BICC1: variants seen among roughly 807,000 people sequenced by gnomAD.
The protein encoded by BICC1 is protein bicaudal C homolog 1.
In BICC1, 43 loss-of-function variants were observed where a neutral mutation model predicts 111.0. That is an observed-to-expected ratio of 0.39 (90% CI 0.30 to 0.50). BICC1 has a LOEUF of 0.50. Ranked by LOEUF, BICC1 falls within the 20% of genes least tolerant of loss-of-function variation. The pLI is 0.88. For missense variants in BICC1, 1,091 were observed against 1,203.2 expected (o/e 0.91, Z 1.38); for synonymous variants, 467 against 434.4 (o/e 1.07, Z -0.93).
intron 2 of BICC1, among the ~76,000 whole-genome samples, chr10:58,670,692 T>C (rs921807855): frequency 6.6e-6 from 1 of 152,146 alleles, no homozygotes; most frequent in Non-Finnish European, 1.5e-5. Flanking sequence ...TTTTGAACAT[T>C]CTGATTTTTA....
At chr10:58,526,113 T>C (rs1842534255) in intron 1 of BICC1, among the ~76,000 whole-genome samples, 1 of 151,942 alleles carries the variant, frequency 6.6e-6, no homozygotes, top group African/African-American at 2.4e-5. Flanking sequence ...TGGGACATTG[T>C]CTTTGGTGAT....
chr10:58,554,633 G>A (rs1055379826), intron 1 of BICC1, among the ~76,000 whole-genome samples: 2 of 151,956 alleles, frequency 1.3e-5, no homozygotes, highest in Non-Finnish European at 2.9e-5. Context: ...ATGCTTGTGT[G>A]TTTACTAGAA....
At chr10:58,608,211 C>T (rs989977822) in intron 1 of BICC1, among the ~76,000 whole-genome samples, 3 of 152,098 alleles carry the variant, frequency 2.0e-5, no homozygotes, top group South Asian at 2.1e-4. Flanking sequence ...CTACTCCCCA[C>T]CTCTCCTGCT....
At chr10:58,515,390 A>G (rs1427197) in intron 1 of BICC1, among the ~76,000 whole-genome samples, 77,632 of 151,992 alleles carry the variant, frequency 0.51, 20,299 homozygotes, top group African/African-American at 0.61. Context: ...CTACTACCTA[A>G]GCTATATGGT....
chr10:58,691,681 TAGC>T (rs574403416), intron 2 of BICC1, among the ~76,000 whole-genome samples: 9 of 152,316 alleles, frequency 5.9e-5, no homozygotes, highest in Admixed American at 2.0e-4. Context: ...GAGCCTGTGT[TAGC>T]AGAAGGTTGG....
intron 20 of BICC1, among the ~76,000 whole-genome samples, chr10:58,825,866 T>C (rs1844379334): frequency 6.6e-6 from 1 of 152,156 alleles, no homozygotes; most frequent in Non-Finnish European, 1.5e-5. Flanking sequence ...GCTAATGCTC[T>C]CAAAAGCAAA....
intron 3 of BICC1, among the ~76,000 whole-genome samples, chr10:58,761,255 C>T (rs1438353843): frequency 1.3e-5 from 2 of 152,280 alleles, no homozygotes; most frequent in Admixed American, 6.5e-5. Context: ...TGCTAGCTGT[C>T]TACAAAAGGA....
intron 3 of BICC1, among the ~76,000 whole-genome samples, chr10:58,743,783 T>TC (rs1391266396): frequency 6.6e-6 from 1 of 151,272 alleles, no homozygotes; most frequent in Non-Finnish European, 1.5e-5. Flanking sequence ...TTTTCTTTTT[T>TC]TTTTTTTTTA....
intron 1 of BICC1, among the ~76,000 whole-genome samples, chr10:58,592,494 C>T (rs1241647800): frequency 6.6e-6 from 1 of 151,988 alleles, no homozygotes; most frequent in South Asian, 2.1e-4. Flanking sequence ...AGGCGGATCA[C>T]GAGGTCAGGA....
At chr10:58,792,514 C>A (rs1000723979) in intron 8 of BICC1, among the ~76,000 whole-genome samples, 3 of 152,142 alleles carry the variant, frequency 2.0e-5, no homozygotes, top group Admixed American at 6.5e-5. Flanking sequence ...ACAGAGGCTT[C>A]CCATCACTCA....
At chr10:58,714,742 A>T (rs2132497825) in intron 3 of BICC1, among the ~76,000 whole-genome samples, 1 of 152,238 alleles carries the variant, frequency 6.6e-6, no homozygotes, top group Non-Finnish European at 1.5e-5. Flanking sequence ...CTGTTCTGTC[A>T]GTCATGGCAT....
At chr10:58,606,775 A>C (rs1845228836) in intron 1 of BICC1, among the ~76,000 whole-genome samples, 1 of 152,108 alleles carries the variant, frequency 6.6e-6, no homozygotes. Flanking sequence ...TTACAAATTG[A>C]ATTAGCTCTA....
intron 1 of BICC1, 87 bp downstream of exon 1, chr10:58,513,420 C>A: frequency 7.7e-7 from 1 of 1,296,434 alleles, no homozygotes; most frequent in Non-Finnish European, 1.0e-6. Flanking sequence ...GCGCCCGCTA[C>A]TCCAGCCTAC....
intron 3 of BICC1, among the ~76,000 whole-genome samples, chr10:58,718,660 A>G (rs1431265147): frequency 1.3e-5 from 2 of 152,176 alleles, no homozygotes; most frequent in African/African-American, 4.8e-5. Flanking sequence ...GGACTATAGG[A>G]AAGTATGTAT....
rs117375937 is a variant in BICC1, at chr10:58,584,186, C to G, written c.191-36669C>G. ...TGTAGCATATTTCTTAATGATATCT[C>G]AACCAGATTTTATAGCTTTCCTTTA... is the stretch of plus-strand genomic sequence containing the variant. On this transcript the variant is annotated intron_variant, in intron 1 of 20. Transcript: ENST00000373886. Among the ~76,000 whole-genome samples, 1,199 of 152,230 alleles carry G rather than the reference C, an allele frequency of 7.9e-3. 11 individuals are homozygous for G. The highest frequency in any genetic ancestry group is 0.011 in the Non-Finnish European group (757 of 68,018).
rs765378631 is a variant in BICC1 at position 58,800,926 on chromosome 10, G to A, written c.1895G>A (p.Arg632Gln). 15 of 1,607,500 alleles carry A rather than the reference G, an allele frequency of 9.3e-6. No homozygotes were observed. The highest frequency in any genetic ancestry group is 1.7e-5 in the Admixed American group (1 of 59,004). ...NDAFVEVGMPRSPSHSGNAGD... is the reference protein window; with the variant it reads ...NDAFVEVGMPQSPSHSGNAGD... ...GCTTTTGTTGAAGTAGGCATGCCTC[G>A]AAGTCCTTCCCATTCTGGGAATGCT... Residue 632 changes from arginine to glutamine, a missense_variant, in exon 14 of 21, where the codon CGA (arginine) becomes CAA (glutamine). This residue lies in a region of BICC1 where 843 missense variants were observed against 900.8 expected (regional missense o/e 0.94). Transcript: ENST00000373886.
chr10:58,790,568 C>G (rs1287504697), intron 8 of BICC1, among the ~76,000 whole-genome samples: 1 of 152,178 alleles, frequency 6.6e-6, no homozygotes, highest in African/African-American at 2.4e-5. Flanking sequence ...TACCTCATGC[C>G]TGTAATCCCA....
At chr10:58,716,283 C>T (rs1840737961) in intron 3 of BICC1, 8 of 1,489,056 alleles carry the variant, frequency 5.4e-6, no homozygotes, top group Non-Finnish European at 7.2e-6. Context: ...TCCTGACTCA[C>T]CATAACATTA....
At chr10:58,623,109 G>A (rs1389033516) in intron 2 of BICC1, among the ~76,000 whole-genome samples, 2 of 152,136 alleles carry the variant, frequency 1.3e-5, no homozygotes, top group Non-Finnish European at 2.9e-5. Context: ...GAAGGAGTGT[G>A]AGACTTTTCA....
Sources: allele counts gnomAD v4.1 joint callset (sites outside exome capture counted in the v4.1 genomes callset), GRCh38; gene constraint gnomAD v4.1.1; regional missense constraint gnomAD v4.1.1; transcripts MANE v1.5; gene names NCBI Gene and HGNC (gene_info 2026-07-23, HGNC 2026-07-21).